Variants in TMED10 observed in about 807,000 individuals in gnomAD.
The protein encoded by TMED10 is transmembrane p24 trafficking protein 10, also known as transmembrane emp24 domain-containing protein 10.
In TMED10, 7 loss-of-function variants were observed where a neutral mutation model predicts 23.1. That is an observed-to-expected ratio of 0.30 (90% CI 0.17 to 0.57). The LOEUF (loss-of-function observed/expected upper bound fraction) is 0.57. Ranked by LOEUF, TMED10 falls within the 20% of genes least tolerant of loss-of-function variation. The pLI is 0.91. For missense variants in TMED10, 162 were observed against 274.8 expected, an observed-to-expected ratio of 0.59 and a Z score of 2.90; for synonymous variants, 113 against 106.9, an observed-to-expected ratio of 1.06 and a Z score of -0.35.
At chr14:75,168,520 C>G (rs957971742) in intron 1 of TMED10, among the ~76,000 whole-genome samples, 1 of 152,150 alleles carries the variant, frequency 6.6e-6, no homozygotes, top group African/African-American at 2.4e-5. Context: ...ATCTATGGAG[C>G]ACCATAATGG....
intron 1 of TMED10, among the ~76,000 whole-genome samples, chr14:75,168,628 AG>A (rs991664611): frequency 4.7e-4 from 72 of 152,298 alleles, no homozygotes; most frequent in African/African-American, 1.7e-3. Context: ...CCAGAGAAGA[AG>A]GGTTAAGTAA....
chr14:75,159,597 C>CT (rs1460286564), intron 1 of TMED10, among the ~76,000 whole-genome samples: 3 of 152,074 alleles, frequency 2.0e-5, no homozygotes, highest in African/African-American at 7.2e-5. Context: ...CCTTCAAAAA[C>CT]TTTTTTTTAT....
rs919097011 is a variant in TMED10 at position 75,132,215 on chromosome 14, C to T, written c.*2670G>A. 6.6e-6 allele frequency: 1 copy of T among 152,102 alleles called. No homozygotes were observed. The highest frequency in any genetic ancestry group is 2.4e-5 in the African/African-American group (1 of 41,386). 9.4% of individuals were successfully genotyped at this position (152,102 alleles called of 1,614,324 possible). A position where few individuals can be genotyped will look rare whatever the true frequency, so the allele number is the denominator to read the frequency against. On this transcript the variant is annotated 3_prime_UTR_variant, in exon 5 of 5. Coordinates refer to ENST00000303575, the MANE Select transcript of TMED10 (RefSeq NM_006827.6). ...CCAACCTGGCCAATATGGTGAAACT[C>T]TGCTTCTACTGAAAATACAAAAATT...
chr14:75,135,371 C>T (rs562511215), intron 4 of TMED10, among the ~76,000 whole-genome samples: 3 of 152,156 alleles, frequency 2.0e-5, no homozygotes, highest in South Asian at 2.1e-4. Context: ...ACCCAGGAGG[C>T]GGAGGTTGCA....
At position 75,135,901 on chromosome 14, in the gene TMED10, A is replaced by C; in HGVS notation, c.412-15T>G. On this transcript the variant is annotated splice_polypyrimidine_tract_variant and intron_variant, in intron 3 of 4. Transcript: ENST00000303575. ...ACTTTTGCAATCTGGAAAAGAATGG[A>C]ATATTTTCAGCTCTCTGAAAACATC... 1 of 1,613,084 alleles carries C rather than the reference A, an allele frequency of 6.2e-7. No individual in the cohort carries two copies. The highest frequency in any genetic ancestry group is 8.5e-7 in the Non-Finnish European group (1 of 1,179,766).
intron 1 of TMED10, among the ~76,000 whole-genome samples, chr14:75,155,980 C>A (rs544665787): frequency 1.0e-3 from 156 of 152,222 alleles, no homozygotes; most frequent in African/African-American, 3.5e-3. Context: ...GAAACTGAGG[C>A]CCAGAGAGGT....
chr14:75,147,193 T>TTTGTTTTTTTTTTG, intron 3 of TMED10, among the ~76,000 whole-genome samples: 1 of 49,124 alleles, frequency 2.0e-5, no homozygotes, highest in African/African-American at 4.5e-5. Context: ...CTGTTTTTTT[T>TTTGTTTTTTTTTTG]TTTTTTTTTT....
chr14:75,170,931 C>G (rs1018132373), intron 1 of TMED10, among the ~76,000 whole-genome samples: 1 of 152,130 alleles, frequency 6.6e-6, no homozygotes, highest in East Asian at 1.9e-4. Flanking sequence ...TAATGGGAAA[C>G]TTTACAATGA....
Position 75,135,806 on chromosome 14 carries a change from A to C in TMED10, c.492T>G (p.Asp164Glu). The change falls in exon 4 of 5, where the codon GAT (aspartate) becomes GAG (glutamate). Residue 164 changes from aspartate to glutamate, a missense_variant. By Grantham distance (45) the Asp-to-Glu change is conservative. This residue lies in a region of TMED10 where 126 missense variants were observed against 239.5 expected (regional missense o/e 0.53). Transcript: ENST00000303575. Reference sequence around the variant, plus strand: ...CTTCTCTCTTCTTCATGTAGGCAAAATCATTAACAATAGATTCTGAAAGGT... The same window carrying C: ...CTTCTCTCTTCTTCATGTAGGCAAACTCATTAACAATAGATTCTGAAAGGT... ...LEDLSESIVN[D>E]FAYMKKREEE... 1 of 1,614,164 alleles carries C rather than the reference A, an allele frequency of 6.2e-7. No homozygotes were observed. Among genetic ancestry groups the C allele is most frequent in the Non-Finnish European group, 8.5e-7 (1 of 1,180,018 alleles).
Position 75,134,570 on chromosome 14 carries a change from C to T in TMED10, c.*315G>A, listed in dbSNP as rs768185490. The stretch of plus-strand genomic sequence containing the variant: ...AAAAGAAAACATAGTCCAAACAGAT[C>T]ACACAAGGGAACCCAGGACAAATGC... On this transcript the variant is annotated 3_prime_UTR_variant, in exon 5 of 5. Transcript: ENST00000303575. 2.9e-5 allele frequency: 7 copies of T among 243,372 alleles called. No homozygotes were observed. The highest frequency in any genetic ancestry group is 5.0e-5 in the Non-Finnish European group (6 of 120,996). The allele number at this position is 243,372 out of a possible 1,614,324, so 15.1% of individuals were successfully genotyped here. A position where few individuals can be genotyped will look rare whatever the true frequency, so the allele number is the denominator to read the frequency against.
intron 1 of TMED10, among the ~76,000 whole-genome samples, chr14:75,171,400 C>A (rs1896231943): frequency 6.6e-6 from 1 of 151,912 alleles, no homozygotes; most frequent in African/African-American, 2.4e-5. Context: ...CTGCCTCAGT[C>A]TCCTGAGTAG....
In TMED10 at chr14:75,134,917, G is replaced by A. The variant is rs1895729247; in HGVS notation, c.628C>T (p.Arg210Cys). 21 of 1,614,026 alleles carry A rather than the reference G, an allele frequency of 1.3e-5. No individual in the cohort carries two copies. Among genetic ancestry groups the A allele is most frequent in the Non-Finnish European group, 1.7e-5 (20 of 1,179,974 alleles). The change falls in exon 5 of 5, where the codon CGC (arginine) becomes TGC (cysteine). Residue 210 changes from arginine to cysteine, a missense_variant. Physicochemically the swap from Arg to Cys is radical, Grantham distance 180. Around this residue, in one of 2 missense-constraint regions of TMED10, gnomAD observed 126 missense variants for 239.5 expected, o/e 0.53. Coordinates refer to ENST00000303575, the MANE Select transcript of TMED10 (RefSeq NM_006827.6). Reference protein sequence around the residue: ...LATWQVFYLRRFFKAKKLIE With the variant: ...LATWQVFYLRCFFKAKKLIE Reference sequence around the variant, plus strand: ...ATCAATTTCTTGGCCTTGAAGAAGCGTCGCAGGTAGAAGACCTGCCAGGTA... The same window carrying A: ...ATCAATTTCTTGGCCTTGAAGAAGCATCGCAGGTAGAAGACCTGCCAGGTA...
chr14:75,135,797 G>A lies in TMED10; in HGVS notation c.501C>T (p.Tyr167=), dbSNP rs766679750. Residue 167 remains tyrosine, a synonymous_variant, in exon 4 of 5, where the codon TAC becomes TAT. Transcript: ENST00000303575. ...LSESIVNDFA[Y]MKKREEEMRD... is the part of the protein sequence containing the mutation. ...GCATCTCCTCTTCTCTCTTCTTCAT[G>A]TAGGCAAAATCATTAACAATAGATT... 1 of 1,614,112 alleles carries A rather than the reference G, an allele frequency of 6.2e-7. No homozygotes were observed. Among genetic ancestry groups the A allele is most frequent in the Non-Finnish European group, 8.5e-7 (1 of 1,180,016 alleles).
At chr14:75,166,464 T>C (rs1039137273) in intron 1 of TMED10, among the ~76,000 whole-genome samples, 11 of 152,188 alleles carry the variant, frequency 7.2e-5, no homozygotes, top group African/African-American at 2.7e-4. Flanking sequence ...GTTACCTTTA[T>C]ATATTTGTTC....
intron 3 of TMED10, chr14:75,136,723 C>T (rs1036766286): frequency 6.6e-6 from 1 of 152,174 alleles, no homozygotes; most frequent in African/African-American, 2.4e-5. Context: ...TATCAGAGCT[C>T]AGATGTGAGA....
In TMED10 at chr14:75,147,737, C is replaced by A. The variant is rs1298293074; in HGVS notation, c.338G>T (p.Gly113Val). Reference protein sequence around the residue: ...DMFEVCFESKGTGRIPDQLVI... With the variant: ...DMFEVCFESKVTGRIPDQLVI... ...GAGTTGGTCAGGTATCCGCCCTGTT[C>A]CTGAGAAAGAAATCAAAGGAATCAT... Residue 113 changes from glycine to valine, a missense_variant and splice_region_variant, in exon 3 of 5, where the codon GGA becomes GTA. Gly to Val is a moderately radical substitution (Grantham distance 109). Transcript: ENST00000303575. 1 of 1,613,930 alleles carries A rather than the reference C, an allele frequency of 6.2e-7. No homozygotes were observed. Among genetic ancestry groups the A allele is most frequent in the Non-Finnish European group, 8.5e-7 (1 of 1,180,038 alleles).
At chr14:75,170,361 T>C (rs1340633193) in intron 1 of TMED10, among the ~76,000 whole-genome samples, 1 of 152,238 alleles carries the variant, frequency 6.6e-6, no homozygotes, top group Admixed American at 6.5e-5. Flanking sequence ...ACACCTAGCT[T>C]GTGGTCTCCA....
Position 75,172,621 on chromosome 14 carries a change from T to C in TMED10, c.225+3734A>G, listed in dbSNP as rs148601083. On this transcript the variant is annotated intron_variant, in intron 1 of 4. Transcript: ENST00000303575. ...CCGCGCCTGGCCATCATTGTTCATT[T>C]TGTGAGGCGTGATTAGCCACGTAAC... Among the ~76,000 whole-genome samples, 353 of 152,326 alleles carry C rather than the reference T, an allele frequency of 2.3e-3. 2 individuals are homozygous for C. The highest frequency in any genetic ancestry group is 7.9e-3 in the African/African-American group (329 of 41,582).
chr14:75,142,587 C>T (rs548731335), intron 3 of TMED10, among the ~76,000 whole-genome samples: 19 of 152,326 alleles, frequency 1.2e-4, no homozygotes, highest in African/African-American at 3.4e-4. Flanking sequence ...ACAGTTAACA[C>T]TCAATCATAT....
Sources: gnomAD v4.1 joint callset for allele counts (sites outside exome capture counted in the v4.1 genomes callset) on GRCh38, gnomAD v4.1.1 for gene constraint, gnomAD v4.1.1 regional missense constraint, MANE v1.5 for transcripts, NCBI Gene and HGNC (gene_info 2026-07-23, HGNC 2026-07-21) for gene names.